EYS: variants seen among roughly 807,000 people sequenced by gnomAD.
EYS encodes the protein protein eyes shut homolog.
A neutral mutation model predicts 282.1 loss-of-function variants in EYS; 250 were observed. The observed-to-expected ratio is 0.89, with a 90% confidence interval of 0.80 to 0.98. The LOEUF (loss-of-function observed/expected upper bound fraction) is 0.98, where lower values mean the gene tolerates loss of function less well. Ranked by LOEUF, EYS falls within the 50% of genes least tolerant of loss-of-function variation. The pLI is 0.00. For synonymous variants in EYS, 1,355 were observed against 1,282.9 expected (o/e 1.06, Z -1.20); for missense variants, 4,016 against 3,709.0 (o/e 1.08, Z -2.15).
intron 37 of EYS, among the ~76,000 whole-genome samples, chr6:63,800,158 T>G (rs1770749384): frequency 6.6e-6 from 1 of 152,226 alleles, no homozygotes; most frequent in African/African-American, 2.4e-5. Context: ...CTTCCACGTT[T>G]TCTATCACTT....
chr6:65,083,745 C>A (rs956964301), intron 12 of EYS, among the ~76,000 whole-genome samples: 2 of 151,728 alleles, frequency 1.3e-5, no homozygotes, highest in African/African-American at 2.4e-5. Flanking sequence ...TTTATTGAGA[C>A]TGGTCTCTAA....
chr6:65,194,955 AT>A (rs1765730398), intron 12 of EYS, among the ~76,000 whole-genome samples: 1 of 151,176 alleles, frequency 6.6e-6, no homozygotes, highest in Non-Finnish European at 1.5e-5. Context: ...ATGGGTTTCT[AT>A]TTTTTCCTAC....
At chr6:64,542,624 A>G (rs1165666596) in intron 26 of EYS, among the ~76,000 whole-genome samples, 1 of 152,086 alleles carries the variant, frequency 6.6e-6, no homozygotes, top group Non-Finnish European at 1.5e-5. Context: ...GATTAAAGCA[A>G]TGCTCAATTT....
chr6:64,006,702 T>A (rs1341517082), intron 33 of EYS, among the ~76,000 whole-genome samples: 2 of 152,204 alleles, frequency 1.3e-5, no homozygotes, highest in African/African-American at 4.8e-5. Flanking sequence ...GTTTTTGACA[T>A]GAAATGATGT....
chr6:64,958,683 G>T (rs1010008027), intron 14 of EYS, among the ~76,000 whole-genome samples: 6 of 130,284 alleles, frequency 4.6e-5, no homozygotes, highest in African/African-American at 1.3e-4. Context: ...TGCAGTGAGC[G>T]GAGATCGCGC....
intron 2 of EYS, among the ~76,000 whole-genome samples, chr6:65,586,747 A>G (rs891555469): frequency 6.6e-6 from 1 of 152,094 alleles, no homozygotes; most frequent in African/African-American, 2.4e-5. Flanking sequence ...TAAAAAATAA[A>G]CCCATTGACA....
intron 12 of EYS, among the ~76,000 whole-genome samples, chr6:65,136,005 C>A (rs1372674830): frequency 2.0e-5 from 3 of 151,944 alleles, no homozygotes. Context: ...GAAACATTAA[C>A]TTTCATGGCA....
chr6:65,041,021 A>T (rs569404524), intron 13 of EYS, among the ~76,000 whole-genome samples: 22 of 151,906 alleles, frequency 1.4e-4, no homozygotes, highest in Non-Finnish European at 2.7e-4. Context: ...GCAGAATTGT[A>T]GATGAGGCTA....
intron 12 of EYS, among the ~76,000 whole-genome samples, chr6:65,141,650 TC>T: frequency 6.2e-4 from 1 of 1,620 alleles, no homozygotes; most frequent in Non-Finnish European, 2.8e-3. Context: ...TGTCTGTCTG[TC>T]TATCTATCTA....
intron 30 of EYS, among the ~76,000 whole-genome samples, chr6:64,233,970 G>A (rs1361177904): frequency 1.3e-5 from 2 of 152,268 alleles, no homozygotes; most frequent in South Asian, 2.1e-4. Flanking sequence ...CTTTACCACT[G>A]CTCAACAGAC....
intron 22 of EYS, among the ~76,000 whole-genome samples, chr6:64,626,653 A>C (rs1767620061): frequency 1.3e-5 from 2 of 152,202 alleles, no homozygotes; most frequent in South Asian, 4.1e-4. Context: ...CAGAGCCTCT[A>C]GAAGCTGGAA....
intron 22 of EYS, among the ~76,000 whole-genome samples, chr6:64,668,900 C>T (rs1404843418): frequency 6.6e-6 from 1 of 151,986 alleles, no homozygotes; most frequent in Admixed American, 6.6e-5. Flanking sequence ...CACTGACTGG[C>T]ACTCTGACCA....
At chr6:64,282,348 T>C (rs950323010) in intron 30 of EYS, among the ~76,000 whole-genome samples, 2 of 152,060 alleles carry the variant, frequency 1.3e-5, no homozygotes, top group Non-Finnish European at 2.9e-5. Context: ...CAAATTAGAG[T>C]CAACCTTTTG....
intron 12 of EYS, among the ~76,000 whole-genome samples, chr6:65,241,484 C>T (rs566233770): frequency 3.6e-4 from 55 of 152,096 alleles, no homozygotes; most frequent in Non-Finnish European, 6.8e-4. Flanking sequence ...ACTCCAACAC[C>T]CACTTTTTTA....
At chr6:64,146,610 C>T (rs2150291439) in intron 31 of EYS, among the ~76,000 whole-genome samples, 1 of 152,240 alleles carries the variant, frequency 6.6e-6, no homozygotes, top group Non-Finnish European at 1.5e-5. Context: ...TCCACCAGTA[C>T]TTTGAAAAGT....
At chr6:64,847,292 T>C (rs1249671415) in intron 19 of EYS, among the ~76,000 whole-genome samples, 1 of 152,018 alleles carries the variant, frequency 6.6e-6, no homozygotes, top group Non-Finnish European at 1.5e-5. Context: ...TATGTGTGTG[T>C]GTGTGTGTGT....
chr6:64,458,630 A>C (rs1775638419), intron 26 of EYS, among the ~76,000 whole-genome samples: 1 of 151,928 alleles, frequency 6.6e-6, no homozygotes, highest in Admixed American at 6.6e-5. Flanking sequence ...TGATTTTTTG[A>C]GAATATGATT....
intron 7 of EYS, among the ~76,000 whole-genome samples, chr6:65,384,859 C>G (rs1765741849): frequency 6.6e-6 from 1 of 151,792 alleles, no homozygotes; most frequent in Non-Finnish European, 1.5e-5. Context: ...CCAGTATATA[C>G]TGATGATGTG....
At chr6:65,046,516 G>A (rs778952794) in intron 13 of EYS, among the ~76,000 whole-genome samples, 1 of 151,706 alleles carries the variant, frequency 6.6e-6, no homozygotes, top group African/African-American at 2.4e-5. Flanking sequence ...GCCAGTAATT[G>A]TAAATTCATG....
Sources: allele counts gnomAD v4.1 joint callset (sites outside exome capture counted in the v4.1 genomes callset), GRCh38; gene constraint gnomAD v4.1.1; transcripts MANE v1.5; gene names NCBI Gene and HGNC (gene_info 2026-07-23, HGNC 2026-07-21).